SLC17A4: variants seen among roughly 807,000 people sequenced by gnomAD.
The protein encoded by SLC17A4 is probable small intestine urate exporter.
Under a neutral mutation model 52.5 loss-of-function variants are expected in SLC17A4, and 33 were observed. That is an observed-to-expected ratio of 0.63 (90% CI 0.48 to 0.84). The LOEUF is 0.84. SLC17A4 is among the 40% of genes least tolerant of loss of function. The pLI is 0.00. For missense variants in SLC17A4, 585 were observed against 597.1 expected, an observed-to-expected ratio of 0.98 and a Z score of 0.21; for synonymous variants, 225 against 216.2, an observed-to-expected ratio of 1.04 and a Z score of -0.36.
intron 1 of SLC17A4, among the ~76,000 whole-genome samples, chr6:25,757,806 C>A (rs889416047): frequency 6.6e-6 from 1 of 152,188 alleles, no homozygotes; most frequent in African/African-American, 2.4e-5. Context: ...TTGTACCCCA[C>A]TGGGGGCATC....
At chr6:25,778,957 C>A in intron 11 of SLC17A4, 97 bp from the exon 12 acceptor site, 1 of 1,500,804 alleles carries the variant, frequency 6.7e-7, no homozygotes. Flanking sequence ...GAGTGGAGGT[C>A]GGGGAGGGAG....
At chr6:25,769,513 G>A (rs932872104) in intron 3 of SLC17A4, among the ~76,000 whole-genome samples, 3 of 151,276 alleles carry the variant, frequency 2.0e-5, no homozygotes, top group Non-Finnish European at 4.4e-5. Flanking sequence ...AGCGGAGATC[G>A]TGCCACTGCA....
intron 2 of SLC17A4, among the ~76,000 whole-genome samples, chr6:25,764,664 A>C (rs1582673005): frequency 6.6e-6 from 1 of 152,310 alleles, no homozygotes; most frequent in East Asian, 1.9e-4. Context: ...TGTGCTCCTC[A>C]GCTTGGAGTG....
intron 1 of SLC17A4, among the ~76,000 whole-genome samples, chr6:25,760,772 A>T (rs996765902): frequency 2.0e-5 from 3 of 152,038 alleles, no homozygotes; most frequent in Non-Finnish European, 4.4e-5. Context: ...TTTAATGCCT[A>T]ATTTTTTTTG....
intron 2 of SLC17A4, among the ~76,000 whole-genome samples, chr6:25,768,085 C>G (rs1382681654): frequency 6.6e-6 from 1 of 152,204 alleles, no homozygotes; most frequent in Non-Finnish European, 1.5e-5. Flanking sequence ...TTAATTTAAT[C>G]TGTCATATCA....
intron 11 of SLC17A4, 133 bp downstream of exon 11, chr6:25,778,149 T>C (rs1581432830): frequency 4.9e-6 from 3 of 613,916 alleles, no homozygotes; most frequent in African/African-American, 3.7e-5. Flanking sequence ...CATGATGACT[T>C]AAGAATTAAA....
chr6:25,777,053 C>A, intron 10 of SLC17A4, 94 bp downstream of exon 10: 1 of 1,364,974 alleles, frequency 7.3e-7, no homozygotes, highest in African/African-American at 1.4e-5. Flanking sequence ...GTGGCAGGTA[C>A]AACAGGTTGC....
chr6:25,779,254 T>A lies in SLC17A4; in HGVS notation c.*66T>A, dbSNP rs1201068096. The A allele has an allele frequency of 6.3e-7, 1 of 1,593,920 alleles. No homozygotes were observed. Among genetic ancestry groups the A allele is most frequent in the Non-Finnish European group, 8.6e-7 (1 of 1,167,262 alleles). ...CATTGTTTTCCCTCACAGACATTTC[T>A]CTTTCATGCCTGCTTGACTGATAAG... On this transcript the variant is annotated 3_prime_UTR_variant, in exon 12 of 12. Transcript: ENST00000377905.
chr6:25,760,769 C>T (rs1192482678), intron 1 of SLC17A4, among the ~76,000 whole-genome samples: 1 of 152,082 alleles, frequency 6.6e-6, no homozygotes, highest in East Asian at 1.9e-4. Context: ...AATTTTAATG[C>T]CTAATTTTTT....
chr6:25,774,202 A>T (rs937646256), intron 8 of SLC17A4, among the ~76,000 whole-genome samples: 2 of 152,222 alleles, frequency 1.3e-5, no homozygotes, highest in Admixed American at 1.3e-4. Context: ...TTCAAGTATA[A>T]CATAGAGAAA....
chr6:25,761,119 G>C (rs1015195273), intron 1 of SLC17A4, among the ~76,000 whole-genome samples: 1 of 152,130 alleles, frequency 6.6e-6, no homozygotes, highest in African/African-American at 2.4e-5. Context: ...TGAGTTCTCA[G>C]ACAATGAAGA....
chr6:25,770,636 A>T (rs1312642723), intron 5 of SLC17A4, among the ~76,000 whole-genome samples, 165 bp downstream of exon 5: 1 of 152,194 alleles, frequency 6.6e-6, no homozygotes, highest in Admixed American at 6.5e-5. Flanking sequence ...AATAAACTGA[A>T]TGCTTACTAT....
rs750540966 is a variant in SLC17A4 at position 25,779,124 on chromosome 6, A to G, written c.1430A>G (p.Tyr477Cys). ...GTTAACATATCGGGCCTGGTTTTCT[A>G]CCTCATCTTTGGCCGAGCAGATGTG... ...AAVNISGLVF[Y>C]LIFGRADVQD... Residue 477 changes from tyrosine to cysteine, a missense_variant, in exon 12 of 12, where the codon TAC (tyrosine) becomes TGC (cysteine). Transcript: ENST00000377905. The G allele has an allele frequency of 1.9e-6, 3 of 1,613,792 alleles. No homozygotes were observed. In the African/African-American group the frequency reaches 4.0e-5, roughly 22 times the overall value.
intron 6 of SLC17A4, among the ~76,000 whole-genome samples, chr6:25,772,325 A>G (rs1762550470): frequency 6.6e-6 from 1 of 152,290 alleles, no homozygotes; most frequent in East Asian, 1.9e-4. Flanking sequence ...GCTAATTTTC[A>G]TATCTATCCC....
chr6:25,775,157 CCT>C (rs1762798948), intron 8 of SLC17A4, among the ~76,000 whole-genome samples: 2 of 151,836 alleles, frequency 1.3e-5, no homozygotes, highest in South Asian at 4.2e-4. Flanking sequence ...TGGTGAACCC[CCT>C]GTCTCTACTA....
chr6:25,766,806 T>G (rs574848634), intron 2 of SLC17A4, among the ~76,000 whole-genome samples: 1 of 152,326 alleles, frequency 6.6e-6, no homozygotes, highest in Admixed American at 6.5e-5. Flanking sequence ...TACAAAGTAT[T>G]TAGAATACAT....
At chr6:25,769,962 T>G (rs960209317) in intron 3 of SLC17A4, 105 bp from the exon 4 acceptor site, 2 of 960,648 alleles carry the variant, frequency 2.1e-6, no homozygotes. Context: ...TGGAGAAATG[T>G]AAACAGAAAG....
chr6:25,762,025 C>A lies in SLC17A4; in HGVS notation c.63C>A (p.Asn21Lys). 1 of 1,613,630 alleles carries A rather than the reference C, an allele frequency of 6.2e-7. No homozygotes were observed. Among genetic ancestry groups the A allele is most frequent in the Non-Finnish European group, 8.5e-7 (1 of 1,179,768 alleles). Residue 21 changes from asparagine to lysine, a missense_variant, in exon 2 of 12, where the codon AAC becomes AAA. By Grantham distance (94) the Asn-to-Lys change is moderately conservative. Coordinates refer to ENST00000377905, the MANE Select transcript of SLC17A4 (RefSeq NM_005495.3). ...VGDISSDGNL[N>K]VAQEECSRKG... ...ACATTTCCAGTGATGGCAATTTAAA[C>A]GTGGCTCAAGAGGAATGCTCCAGGA... is the stretch of plus-strand genomic sequence containing the variant.
chr6:25,770,807 C>A, intron 5 of SLC17A4, 119 bp from the exon 6 acceptor site: 1 of 779,882 alleles, frequency 1.3e-6, no homozygotes, highest in South Asian at 1.6e-5. Context: ...GTGAAGGAAC[C>A]TAGATAGTTT....
Sources: allele counts gnomAD v4.1 joint callset (sites outside exome capture counted in the v4.1 genomes callset), GRCh38; gene constraint gnomAD v4.1.1; transcripts MANE v1.5; gene names NCBI Gene and HGNC (gene_info 2026-07-23, HGNC 2026-07-21).